Variants in LGR4 observed in about 807,000 individuals in gnomAD.
The protein encoded by LGR4 is leucine rich repeat containing G protein-coupled receptor 4.
Under a neutral mutation model 84.8 loss-of-function variants are expected in LGR4, and 44 were observed. The observed-to-expected ratio is 0.52, with a 90% CI of 0.41 to 0.67. The LOEUF is 0.67. Ranked by LOEUF, LGR4 falls within the 30% of genes least tolerant of loss-of-function variation. The pLI, the probability that LGR4 is intolerant of heterozygous loss-of-function variation, is 0.00. For synonymous variants in LGR4, 429 were observed against 434.3 expected, an observed-to-expected ratio of 0.99 and a Z score of 0.15; for missense variants, 1,032 against 1,131.4, an observed-to-expected ratio of 0.91 and a Z score of 1.26.
intron 1 of LGR4, among the ~76,000 whole-genome samples, chr11:27,433,354 A>G (rs1017262891): frequency 3.3e-5 from 5 of 151,528 alleles, no homozygotes; most frequent in African/African-American, 9.7e-5. Context: ...TTGGGACCAC[A>G]GGCGCCTGCC....
In LGR4 at chr11:27,378,710, T is replaced by A; in HGVS notation, c.1030A>T (p.Met344Leu). Residue 344 changes from methionine to leucine, a missense_variant, in exon 11 of 18, where the codon ATG (methionine) becomes TTG (leucine). Transcript: ENST00000379214. The part of the protein sequence containing the change: ...IPNNLCQEQK[M>L]LRTLDLSYNN... ...AATCCAACTTACAAAGTCCTAAGCA[T>A]CTTTTGTTCTTGACACAAATTATTA... 1.2e-6 allele frequency: 2 copies of A among 1,609,122 alleles called. No individual in the cohort carries two copies. The highest frequency in any genetic ancestry group is 4.5e-5 in the East Asian group (2 of 44,768).
At chr11:27,393,733 TC>T (rs1863328571) in intron 2 of LGR4, among the ~76,000 whole-genome samples, 2 of 152,032 alleles carry the variant, frequency 1.3e-5, no homozygotes. Flanking sequence ...CCACTTCTAA[TC>T]TGTTCTACTT....
chr11:27,449,548 C>T (rs1293900009), intron 1 of LGR4, among the ~76,000 whole-genome samples: 1 of 151,406 alleles, frequency 6.6e-6, no homozygotes, highest in Non-Finnish European at 1.5e-5. Flanking sequence ...CGCCATTGCA[C>T]ACCAGCCTGG....
At chr11:27,421,686 A>AAAAT (rs1433021709) in intron 1 of LGR4, among the ~76,000 whole-genome samples, 4 of 152,310 alleles carry the variant, frequency 2.6e-5, no homozygotes, top group African/African-American at 9.6e-5. Context: ...AGAAAGAAAG[A>AAAAT]AAATAAATAA....
At chr11:27,453,435 A>C (rs1441082839) in intron 1 of LGR4, among the ~76,000 whole-genome samples, 5 of 151,972 alleles carry the variant, frequency 3.3e-5, no homozygotes, top group East Asian at 1.9e-4. Flanking sequence ...GATATTGACT[A>C]ATTATCTTAA....
At chr11:27,425,620 G>C (rs1428572771) in intron 1 of LGR4, among the ~76,000 whole-genome samples, 1 of 152,088 alleles carries the variant, frequency 6.6e-6, no homozygotes, top group Non-Finnish European at 1.5e-5. Flanking sequence ...ACCATAACCA[G>C]CTCCATCATA....
Position 27,378,691 on chromosome 11 carries a change from A to G in LGR4, c.1043+6T>C, listed in dbSNP as rs768743710. Reference sequence around the variant, plus strand: ...ATGAGGGGAAGGGAAGAAGAATCCAACTTACAAAGTCCTAAGCATCTTTTG... The same window carrying G: ...ATGAGGGGAAGGGAAGAAGAATCCAGCTTACAAAGTCCTAAGCATCTTTTG... On this transcript the variant is annotated splice_donor_region_variant and intron_variant, in intron 11 of 17. Transcript: ENST00000379214. 20 of 1,589,612 alleles carry G rather than the reference A, an allele frequency of 1.3e-5. 1 individual carries two copies. In the South Asian group the frequency reaches 2.0e-4, roughly 16 times the overall value.
chr11:27,374,530 C>T (rs916033865), intron 13 of LGR4, among the ~76,000 whole-genome samples: 2 of 151,998 alleles, frequency 1.3e-5, no homozygotes, highest in Non-Finnish European at 2.9e-5. Context: ...TTCCTAAGCA[C>T]GATATAAAAA....
Position 27,392,741 on chromosome 11 carries a change from A to G in LGR4, c.258-223T>C, listed in dbSNP as rs184008887. On this transcript the variant is annotated intron_variant, in intron 2 of 17. Transcript: ENST00000379214. The stretch of plus-strand genomic sequence containing the variant: ...TTTTTAAGTCCCAATACAATAATTT[A>G]AGCAGGCACATTTTTATTCTGGTGA... 2.7e-3 allele frequency among the ~76,000 whole-genome samples: 407 copies of G among 152,248 alleles called. 1 individual carries two copies. Among genetic ancestry groups the G allele is most frequent in the Admixed American group, 4.3e-3 (66 of 15,278 alleles).
chr11:27,472,152 C>A lies in LGR4; in HGVS notation c.151G>T (p.Val51Leu). ...GTGAAGGCGCTGAGCCCCTCGGGCA[C>A]GGCCGTCAGCCCCTTCCCGGAGCAG... is the stretch of plus-strand genomic sequence containing the variant. ...VDCSGKGLTA[V>L]PEGLSAFTQA... Residue 51 changes from valine (V) to leucine (L), a missense_variant, in exon 1 of 18, where the codon GTG becomes TTG. Physicochemically the swap from Val to Leu is conservative, Grantham distance 32 (BLOSUM62 1). Transcript: ENST00000379214. The A allele has an allele frequency of 7.2e-7, 1 of 1,383,390 alleles. No homozygotes were observed. The highest frequency in any genetic ancestry group is 9.4e-7 in the Non-Finnish European group (1 of 1,065,922). 85.7% of individuals were successfully genotyped at this position (1,383,390 alleles called of 1,614,324 possible).
At chr11:27,407,670 TA>T (rs34605283) in intron 2 of LGR4, among the ~76,000 whole-genome samples, 1,728 of 152,268 alleles carry the variant, frequency 0.011, 30 homozygotes, top group African/African-American at 0.04. Flanking sequence ...TGGACCAGAA[TA>T]TTTTTTTCTT....
intron 1 of LGR4, among the ~76,000 whole-genome samples, chr11:27,438,588 T>G (rs892585157): frequency 2.0e-5 from 3 of 152,248 alleles, no homozygotes; most frequent in Non-Finnish European, 4.4e-5. Flanking sequence ...TAAGGGTGTT[T>G]CTGGATGAGA....
At position 27,376,298 on chromosome 11, in the gene LGR4, CAGAATCCTTAG is replaced by C; in HGVS notation, c.1171_1181del (p.Leu391ArgfsTer4). 1 of 1,551,052 alleles carries C rather than the reference CAGAATCCTTAG, an allele frequency of 6.4e-7. No individual in the cohort carries two copies. Reference sequence around the variant, plus strand: ...TCTTTAATAATCATAGACAAACTTACAGAATCCTTAGAGATATCAGGCCTTGAAAGGTGCCT... The same window carrying C: ...TCTTTAATAATCATAGACAAACTTACAGATATCAGGCCTTGAAAGGTGCCT... On this transcript the variant is annotated frameshift_variant and splice_region_variant, in exon 13 of 18. Transcript: ENST00000379214. LOFTEE classifies it high-confidence loss of function.
chr11:27,429,944 A>C (rs931375514), intron 1 of LGR4, among the ~76,000 whole-genome samples: 8 of 152,222 alleles, frequency 5.3e-5, no homozygotes, highest in Middle Eastern at 3.4e-3. Context: ...GGCAGGGGGA[A>C]GTTCCCCCAT....
At chr11:27,406,261 C>G (rs1009597457) in intron 2 of LGR4, among the ~76,000 whole-genome samples, 1 of 152,116 alleles carries the variant, frequency 6.6e-6, no homozygotes, top group Non-Finnish European at 1.5e-5. Flanking sequence ...CCCTTGAAAG[C>G]AAGAATCTCA....
intron 2 of LGR4, among the ~76,000 whole-genome samples, chr11:27,405,633 T>C (rs914059608): frequency 4.6e-5 from 7 of 152,158 alleles, no homozygotes; most frequent in Admixed American, 1.3e-4. Context: ...TCTGCATTAT[T>C]GCTAATTTTC....
chr11:27,381,975 C>CT (rs1863104136), intron 7 of LGR4, among the ~76,000 whole-genome samples: 2 of 152,334 alleles, frequency 1.3e-5, no homozygotes, highest in South Asian at 4.1e-4. Context: ...ATCAGGCCTT[C>CT]TTGTTTTACC....
chr11:27,408,630 A>G (rs1420275564), intron 2 of LGR4, among the ~76,000 whole-genome samples: 2 of 152,152 alleles, frequency 1.3e-5, no homozygotes, highest in African/African-American at 4.8e-5. Flanking sequence ...ATGTCTGACA[A>G]CGTCACATCA....
At chr11:27,405,823 C>T (rs1590367653) in intron 2 of LGR4, among the ~76,000 whole-genome samples, 1 of 152,082 alleles carries the variant, frequency 6.6e-6, no homozygotes, top group Non-Finnish European at 1.5e-5. Context: ...CTCACCTAGA[C>T]GATTGCCAGT....
Sources: allele counts gnomAD v4.1 joint callset (sites outside exome capture counted in the v4.1 genomes callset), GRCh38; gene constraint gnomAD v4.1.1; transcripts MANE v1.5; gene names NCBI Gene and HGNC (gene_info 2026-07-23, HGNC 2026-07-21).